Variants in GGNBP2 observed in about 807,000 individuals in gnomAD.
The protein encoded by GGNBP2 is gametogenetin binding protein 2.
GGNBP2 carries 10 observed loss-of-function variants against 85.9 expected under a neutral mutation model. The ratio of observed to expected loss-of-function variants is 0.12; its 90% confidence interval spans 0.07 to 0.20. The LOEUF (loss-of-function observed/expected upper bound fraction) is 0.20. Ranked by LOEUF, GGNBP2 falls within the 10% of genes least tolerant of loss-of-function variation. The pLI is 1.00. For synonymous variants in GGNBP2, 287 were observed against 285.7 expected (o/e 1.00, Z -0.05); for missense variants, 595 against 857.8 (o/e 0.69, Z 3.83).
In GGNBP2 at chr17:36,581,426, TCAAG is replaced by T; in HGVS notation, c.1108_1111del (p.Gln370LysfsTer31). ...TCAGAAGAGGAACGAGTAAGAGAAC[TCAAG>T]CAAGAAAAGAAACGCCAAAAACGGA... On this transcript the variant is annotated frameshift_variant, in exon 9 of 14. Transcript: ENST00000613102. LOFTEE classifies it high-confidence loss of function. 6.2e-7 allele frequency: 1 copy of T among 1,613,530 alleles called. No homozygotes were observed. Among genetic ancestry groups the T allele is most frequent in the Non-Finnish European group, 8.5e-7 (1 of 1,179,650 alleles).
rs1249714159 is a variant in GGNBP2, at chr17:36,589,573, T to C, written c.*162T>C. On this transcript the variant is annotated 3_prime_UTR_variant, in exon 14 of 14. Coordinates refer to ENST00000613102, the MANE Select transcript of GGNBP2 (RefSeq NM_024835.5). The stretch of plus-strand genomic sequence containing the variant: ...CGGTGGAGGTATCCTCATTAGTTCT[T>C]TCTTCAGGCTTGTGTCTTTAGTTGC... 7.0e-5 allele frequency: 43 copies of C among 613,054 alleles called. No individual in the cohort carries two copies. Among genetic ancestry groups the C allele is most frequent in the Non-Finnish European group, 4.3e-5 (15 of 349,028 alleles). 38.0% of individuals were successfully genotyped at this position (613,054 alleles called of 1,614,324 possible).
chr17:36,574,629 T>C, intron 6 of GGNBP2: 2 of 581,170 alleles, frequency 3.4e-6, no homozygotes, highest in Non-Finnish European at 6.1e-6. Context: ...AAGGTGTCCT[T>C]GGTATAGTTA....
At chr17:36,575,645 TA>T (rs1283406065) in intron 6 of GGNBP2, among the ~76,000 whole-genome samples, 1,058 of 55,822 alleles carry the variant, frequency 0.019, 7 homozygotes, top group Non-Finnish European at 0.027. Context: ...TATATATATA[TA>T]TATTTTTTTT....
intron 6 of GGNBP2, among the ~76,000 whole-genome samples, chr17:36,570,471 G>A (rs189624108): frequency 3.0e-4 from 45 of 152,258 alleles, no homozygotes; most frequent in Non-Finnish European, 2.4e-4. Flanking sequence ...AGGCCAAGGC[G>A]GGTGGATCAC....
chr17:36,571,833 A>G (rs1246451174), intron 6 of GGNBP2, among the ~76,000 whole-genome samples: 1 of 152,112 alleles, frequency 6.6e-6, no homozygotes, highest in Non-Finnish European at 1.5e-5. Flanking sequence ...ACAGAGCGAG[A>G]CTCCATCTCA....
At chr17:36,558,735 C>A (rs922308908) in intron 4 of GGNBP2, among the ~76,000 whole-genome samples, 5 of 150,602 alleles carry the variant, frequency 3.3e-5, no homozygotes, top group Non-Finnish European at 7.4e-5. Context: ...GGATTACAGG[C>A]GTGAGCCACC....
intron 9 of GGNBP2, 67 bp downstream of exon 9, chr17:36,581,605 T>C: frequency 1.6e-6 from 2 of 1,218,790 alleles, no homozygotes; most frequent in Non-Finnish European, 2.3e-6. Context: ...ACAGGCCAGG[T>C]GTGGTGGCTC....
At chr17:36,549,970 CTG>C (rs1215096244) in intron 2 of GGNBP2, among the ~76,000 whole-genome samples, 8 of 151,254 alleles carry the variant, frequency 5.3e-5, no homozygotes, top group African/African-American at 1.9e-4. Context: ...TGGAGTCTCA[CTG>C]TGTCACCTAG....
At chr17:36,549,283 A>G (rs1248213387) in intron 2 of GGNBP2, among the ~76,000 whole-genome samples, 1 of 152,050 alleles carries the variant, frequency 6.6e-6, no homozygotes, top group Admixed American at 6.5e-5. Context: ...GCTCACTGCA[A>G]CCTCTGCCTC....
At chr17:36,546,305 A>T (rs1015193283) in intron 2 of GGNBP2, 1 of 227,620 alleles carries the variant, frequency 4.4e-6, no homozygotes, top group Non-Finnish European at 8.5e-6. Flanking sequence ...GTGCACAGTC[A>T]AGATTCCACT....
At chr17:36,572,896 T>C (rs187951404) in intron 6 of GGNBP2, among the ~76,000 whole-genome samples, 6 of 152,278 alleles carry the variant, frequency 3.9e-5, no homozygotes, top group Admixed American at 3.9e-4. Context: ...GTTTAATTAT[T>C]TTAGATAGCT....
chr17:36,561,893 G>T (rs1318036509), intron 5 of GGNBP2, among the ~76,000 whole-genome samples: 1 of 152,184 alleles, frequency 6.6e-6, no homozygotes, highest in Non-Finnish European at 1.5e-5. Context: ...AAAGTGCTGA[G>T]ATTACAGGCG....
At chr17:36,546,429 G>A (rs1352111525) in intron 2 of GGNBP2, 1 of 152,560 alleles carries the variant, frequency 6.6e-6, no homozygotes, top group Admixed American at 6.6e-5. Flanking sequence ...GCATTATTTA[G>A]TTTACAGGTG....
intron 5 of GGNBP2, among the ~76,000 whole-genome samples, chr17:36,563,032 A>C (rs2074434766): frequency 1.3e-5 from 2 of 148,584 alleles, no homozygotes; most frequent in South Asian, 4.3e-4. Flanking sequence ...TTGGGAGGCC[A>C]AGTTGGGTGG....
intron 5 of GGNBP2, among the ~76,000 whole-genome samples, chr17:36,566,613 T>TGG (rs1555605880): frequency 6.6e-6 from 1 of 150,600 alleles, no homozygotes; most frequent in Non-Finnish European, 1.5e-5. Flanking sequence ...CCTGCAGGGG[T>TGG]GGGGTTGCAC....
chr17:36,588,353 G>T (rs2074723846), intron 13 of GGNBP2, among the ~76,000 whole-genome samples: 1 of 152,064 alleles, frequency 6.6e-6, no homozygotes, highest in Non-Finnish European at 1.5e-5. Context: ...CGCCTCCCAG[G>T]TTCAAGCGAT....
At chr17:36,576,146 C>G (rs2074579373) in intron 6 of GGNBP2, among the ~76,000 whole-genome samples, 2 of 135,096 alleles carry the variant, frequency 1.5e-5, no homozygotes, top group South Asian at 5.7e-4. Flanking sequence ...CAAGACCAGC[C>G]TGGCCAACAT....
intron 5 of GGNBP2, among the ~76,000 whole-genome samples, chr17:36,562,953 CAAAAAAAAAAAAAAA>C (rs34799358): frequency 1.2e-4 from 5 of 40,518 alleles, no homozygotes; most frequent in Admixed American, 4.5e-4. Context: ...GACTCTGTCT[CAAAAAAAAAAAAAAA>C]AAAAAAAAAA....
At chr17:36,566,830 A>G (rs1035582378) in intron 5 of GGNBP2, among the ~76,000 whole-genome samples, 3 of 152,032 alleles carry the variant, frequency 2.0e-5, no homozygotes, top group Admixed American at 2.0e-4. Context: ...GGTAGATGAT[A>G]GTTTTGTTAC....
Sources: allele counts gnomAD v4.1 joint callset (sites outside exome capture counted in the v4.1 genomes callset), GRCh38; gene constraint gnomAD v4.1.1; transcripts MANE v1.5; gene names NCBI Gene and HGNC (gene_info 2026-07-23, HGNC 2026-07-21).